The following TRDN variants were observed in gnomAD, a reference collection of about 807,000 sequenced individuals.
TRDN encodes the protein triadin in skeletal muscle.
A neutral mutation model predicts 149.7 loss-of-function variants in TRDN; 161 were observed. The observed-to-expected ratio is 1.08, with a 90% CI of 0.95 to 1.23. The LOEUF (loss-of-function observed/expected upper bound fraction) is 1.23, where lower values mean the gene tolerates loss of function less well. Among genes scored for constraint, TRDN ranks in the 50% most tolerant of loss-of-function variants. TRDN has a pLI of 0.00. For synonymous variants in TRDN, 294 were observed against 250.5 expected (o/e 1.17, Z -1.64); for missense variants, 896 against 823.5 (o/e 1.09, Z -1.08).
At chr6:123,382,201 GAT>G (rs1781749462) in intron 14 of TRDN, 54 bp from the exon 15 acceptor site, 1 of 1,239,862 alleles carries the variant, frequency 8.1e-7, no homozygotes, top group Non-Finnish European at 1.1e-6. Flanking sequence ...ATCAACAGCT[GAT>G]CAGCTCACAA....
At chr6:123,256,071 T>G (rs1360393784) in intron 35 of TRDN, among the ~76,000 whole-genome samples, 169 bp from the exon 36 acceptor site, 1 of 152,136 alleles carries the variant, frequency 6.6e-6, no homozygotes, top group Non-Finnish European at 1.5e-5. Context: ...GTATTTTTCC[T>G]AATGCTATCC....
At chr6:123,540,521 T>TTTGTTTGC (rs949431586) in intron 4 of TRDN, among the ~76,000 whole-genome samples, 22 of 152,302 alleles carry the variant, frequency 1.4e-4, no homozygotes, top group Admixed American at 1.1e-3. Context: ...AAAGTGTTTT[T>TTTGTTTGC]TTGTTTGCTT....
At chr6:123,521,287 G>GT (rs1056757949) in intron 5 of TRDN, among the ~76,000 whole-genome samples, 56 of 152,234 alleles carry the variant, frequency 3.7e-4, no homozygotes, top group African/African-American at 1.3e-3. Context: ...TGGAAATAAG[G>GT]TTTTTACAGA....
At chr6:123,541,997 G>A (rs751802839) in intron 4 of TRDN, among the ~76,000 whole-genome samples, 3 of 151,986 alleles carry the variant, frequency 2.0e-5, no homozygotes, top group Non-Finnish European at 4.4e-5. Context: ...TTTCTCATTC[G>A]CTCAGACTGC....
rs2873479 is a variant in TRDN at position 123,366,143 on chromosome 6, A to C, written c.1313T>G (p.Ile438Ser). The change falls in exon 20 of 41, where the codon ATT (isoleucine) becomes AGT (serine). Residue 438 changes from isoleucine to serine, a missense_variant. Physicochemically the swap from Ile to Ser is moderately radical, Grantham distance 142. Coordinates refer to ENST00000334268, the MANE Select transcript of TRDN (RefSeq NM_006073.4). ...CTTTAAGCTGCATTTACCTTTTTTAATTGAAACCGCACCAATCTCCTCTTT... is the reference window on the plus strand; with the variant it reads ...CTTTAAGCTGCATTTACCTTTTTTACTTGAAACCGCACCAATCTCCTCTTT... ...RAKEEIGAVS[I>S]KKAVPGKKEE... The C allele has an allele frequency of 0.91, 1,472,077 of 1,611,814 alleles. 672,491 individuals are homozygous for C. The highest frequency in any genetic ancestry group is 0.96 in the Admixed American group (57,398 of 59,928).
chr6:123,224,451 A>C (rs1444853109), intron 38 of TRDN, among the ~76,000 whole-genome samples: 3 of 151,792 alleles, frequency 2.0e-5, no homozygotes, highest in Non-Finnish European at 4.4e-5. Context: ...TTCAAAAATC[A>C]TAATCATTTA....
In TRDN at chr6:123,571,027, G is replaced by A. The variant is rs748832633; in HGVS notation, c.128C>T (p.Thr43Met). The A allele has an allele frequency of 2.3e-5, 37 of 1,613,858 alleles. No homozygotes were observed. In the South Asian group the frequency reaches 2.6e-4, roughly 11 times the overall value. The change falls in exon 2 of 41, where the codon ACG becomes ATG. Residue 43 changes from threonine (T) to methionine (M), a missense_variant. Transcript: ENST00000334268. ...KRTVTEDIVT[T>M]FSSPAAWLLV... ...AAGCCAGGCTGCAGGGGAGCTGAAC[G>A]TCGTCACTATGTCTTCTGTGACTGT... is the stretch of plus-strand genomic sequence containing the variant.
intron 19 of TRDN, among the ~76,000 whole-genome samples, chr6:123,374,138 T>C (rs1199133433): frequency 6.6e-6 from 1 of 152,210 alleles, no homozygotes; most frequent in African/African-American, 2.4e-5. Context: ...TTAACTCTTA[T>C]GAAACTTATA....
intron 2 of TRDN, among the ~76,000 whole-genome samples, chr6:123,554,072 G>C (rs906522673): frequency 1.3e-5 from 2 of 152,182 alleles, no homozygotes; most frequent in South Asian, 4.1e-4. Context: ...CCTTGGTAAG[G>C]TCCATGAAAT....
At chr6:123,243,990 T>C (rs554021445) in intron 38 of TRDN, among the ~76,000 whole-genome samples, 1 of 152,136 alleles carries the variant, frequency 6.6e-6, no homozygotes, top group East Asian at 1.9e-4. Flanking sequence ...TGTCAACAAC[T>C]ACAGAATATA....
chr6:123,271,998 G>A (rs572374169), intron 29 of TRDN, among the ~76,000 whole-genome samples: 313 of 151,954 alleles, frequency 2.1e-3, no homozygotes, highest in African/African-American at 6.9e-3. Context: ...GCTTCTGAAA[G>A]TTGTTTCTAA....
intron 33 of TRDN, among the ~76,000 whole-genome samples, chr6:123,262,189 A>T (rs114669919): frequency 0.052 from 7,928 of 152,084 alleles, 662 homozygotes; most frequent in African/African-American, 0.18. Context: ...CTTTAAAAAA[A>T]TTAGAAAATA....
At chr6:123,409,224 T>TAA (rs1773331316) in intron 12 of TRDN, among the ~76,000 whole-genome samples, 1 of 152,168 alleles carries the variant, frequency 6.6e-6, no homozygotes, top group Admixed American at 6.5e-5. Context: ...TGAAAACCTA[T>TAA]AAAGTTCACA....
intron 1 of TRDN, among the ~76,000 whole-genome samples, chr6:123,587,120 G>A (rs1783534702): frequency 1.3e-5 from 2 of 152,048 alleles, no homozygotes; most frequent in Admixed American, 6.5e-5. Context: ...ACAGAGAGAA[G>A]GGGTTGGGGT....
At chr6:123,252,904 A>T (rs1413721038) in intron 37 of TRDN, among the ~76,000 whole-genome samples, 1 of 152,130 alleles carries the variant, frequency 6.6e-6, no homozygotes, top group Admixed American at 6.6e-5. Context: ...TACTAAAATC[A>T]AGATCTTTGT....
At chr6:123,219,061 A>T (rs1226860410) in intron 40 of TRDN, among the ~76,000 whole-genome samples, 1 of 151,916 alleles carries the variant, frequency 6.6e-6, no homozygotes, top group East Asian at 1.9e-4. Context: ...GATCATATAG[A>T]CATCTGTTGA....
At chr6:123,558,695 C>T (rs559154583) in intron 2 of TRDN, among the ~76,000 whole-genome samples, 2 of 152,228 alleles carry the variant, frequency 1.3e-5, no homozygotes, top group South Asian at 4.1e-4. Context: ...AATTAAATTC[C>T]AGCCCTCAAA....
chr6:123,437,930 G>A, intron 12 of TRDN, 133 bp downstream of exon 12: 2 of 720,116 alleles, frequency 2.8e-6, no homozygotes, highest in South Asian at 3.5e-5. Flanking sequence ...TCTAGTGCAA[G>A]TTTTGCTTTG....
intron 38 of TRDN, among the ~76,000 whole-genome samples, chr6:123,234,656 C>T (rs1016392503): frequency 1.3e-5 from 2 of 152,054 alleles, no homozygotes; most frequent in African/African-American, 4.8e-5. Flanking sequence ...CTATTGGACA[C>T]TAATACTTCT....
Sources: allele counts gnomAD v4.1 joint callset (sites outside exome capture counted in the v4.1 genomes callset), GRCh38; gene constraint gnomAD v4.1.1; transcripts MANE v1.5; gene names NCBI Gene and HGNC (gene_info 2026-07-23, HGNC 2026-07-21).